Variants in DNAH9 observed in about 807,000 individuals in gnomAD.
The protein encoded by DNAH9 is dynein axonemal heavy chain 9, also known as DNAH9 variant protein.
Under a neutral mutation model 471.6 loss-of-function variants are expected in DNAH9, and 345 were observed. The observed-to-expected ratio is 0.73, with a 90% confidence interval of 0.67 to 0.80. The LOEUF (loss-of-function observed/expected upper bound fraction) is 0.80. Among genes scored for constraint, DNAH9 ranks in the 30% least tolerant of loss-of-function variants. The pLI is 0.00. For missense variants in DNAH9, 5,407 were observed against 5,609.2 expected, an observed-to-expected ratio of 0.96 and a Z score of 1.15; for synonymous variants, 2,093 against 2,123.6, an observed-to-expected ratio of 0.99 and a Z score of 0.40.
intron 24 of DNAH9, among the ~76,000 whole-genome samples, chr17:11,703,015 C>G (rs775300749): frequency 1.3e-5 from 2 of 151,328 alleles, no homozygotes; most frequent in African/African-American, 4.9e-5. Flanking sequence ...ATGGCGTGAA[C>G]CCGGGAGGCG....
At chr17:11,886,050 C>T (rs768261648) in intron 56 of DNAH9, among the ~76,000 whole-genome samples, 2 of 152,286 alleles carry the variant, frequency 1.3e-5, no homozygotes, top group African/African-American at 4.8e-5. Flanking sequence ...TGGCTGGGCG[C>T]GGTGGCTCAC....
chr17:11,840,412 T>C (rs957776461), intron 49 of DNAH9, among the ~76,000 whole-genome samples: 2 of 152,358 alleles, frequency 1.3e-5, no homozygotes, highest in Non-Finnish European at 2.9e-5. Flanking sequence ...TATTTAATTA[T>C]TTATCTATTT....
Position 11,810,315 on chromosome 17 carries a change from G to A in DNAH9, c.8653G>A (p.Ala2885Thr). The A allele has an allele frequency of 6.2e-7, 1 of 1,613,880 alleles. No homozygotes were observed. The highest frequency in any genetic ancestry group is 8.5e-7 in the Non-Finnish European group (1 of 1,179,918). ...CAACACAGTGTTTCTCATGACTGATGCCCAAGTGGCTGATGAGAGGTTCCT... is the reference window on the plus strand; with the variant it reads ...CAACACAGTGTTTCTCATGACTGATACCCAAGTGGCTGATGAGAGGTTCCT... ...NLNTVFLMTD[A>T]QVADERFLVL... Residue 2885 changes from alanine to threonine, a missense_variant, in exon 45 of 69, where the codon GCC becomes ACC. By Grantham distance (58) the Ala-to-Thr change is moderately conservative. Coordinates refer to ENST00000262442, the MANE Select transcript of DNAH9 (RefSeq NM_001372.4).
At chr17:11,658,570 C>T (rs1221855183) in intron 14 of DNAH9, among the ~76,000 whole-genome samples, 2 of 151,806 alleles carry the variant, frequency 1.3e-5, no homozygotes, top group Non-Finnish European at 2.9e-5. Flanking sequence ...TAGAAATGCT[C>T]GCCTCATTTC....
In DNAH9 at chr17:11,962,258, TAA is replaced by T. The variant is rs754353327; in HGVS notation, c.13233+4_13233+5del. The stretch of plus-strand genomic sequence containing the variant: ...GAAGGTGCCTGCTGGGACACACAGG[TAA>T]AGCTTGGAATGAACCAAAGGGCAGC... On this transcript the variant is annotated splice_donor_region_variant and intron_variant, in intron 68 of 68. Coordinates refer to ENST00000262442, the MANE Select transcript of DNAH9 (RefSeq NM_001372.4). The surrounding 1 kb of genome is among the most constrained non-coding windows in gnomAD (Gnocchi z 4.1). The T allele has an allele frequency of 6.0e-5, 96 of 1,594,864 alleles. No individual in the cohort carries two copies. Among genetic ancestry groups the T allele is most frequent in the Admixed American group, 4.3e-4 (25 of 58,056 alleles).
chr17:11,969,415 T>C lies in DNAH9; in HGVS notation c.13349T>C (p.Val4450Ala). ...TGCCGCAGTGTCTATTCCTGTCCTG[T>C]GTACAAGACTAGTCAGCGGGGACCC... ...QDCRSVYSCP[V>A]YKTSQRGPTY... is the part of the protein sequence containing the mutation. Residue 4450 changes from valine (V) to alanine (A), a missense_variant, in exon 69 of 69, where the codon GTG becomes GCG. Transcript: ENST00000262442. 1.2e-6 allele frequency: 2 copies of C among 1,614,030 alleles called. No individual in the cohort carries two copies. Among genetic ancestry groups the C allele is most frequent in the Middle Eastern group, 1.7e-4 (1 of 6,026 alleles).
At chr17:11,802,107 C>T (rs1969483271) in intron 43 of DNAH9, among the ~76,000 whole-genome samples, 3 of 152,150 alleles carry the variant, frequency 2.0e-5, no homozygotes, top group African/African-American at 4.8e-5. Context: ...ATCAACCACC[C>T]GTTACTTTAT....
At chr17:11,842,528 C>T (rs764141576) in intron 49 of DNAH9, among the ~76,000 whole-genome samples, 3 of 152,130 alleles carry the variant, frequency 2.0e-5, no homozygotes, top group Non-Finnish European at 4.4e-5. Context: ...GAAGCCAGTC[C>T]GGGTCCCAAA....
chr17:11,618,211 A>G (rs904619722), intron 5 of DNAH9, among the ~76,000 whole-genome samples: 1 of 152,208 alleles, frequency 6.6e-6, no homozygotes, highest in African/African-American at 2.4e-5. Flanking sequence ...AGCTTCTTAG[A>G]TTATGCACTT....
chr17:11,809,607 T>C (rs1969814699), intron 44 of DNAH9, among the ~76,000 whole-genome samples: 1 of 152,062 alleles, frequency 6.6e-6, no homozygotes, highest in South Asian at 2.1e-4. Context: ...AAGACCCTGC[T>C]AGCATAAGAT....
At chr17:11,849,496 C>T (rs1971337881) in intron 49 of DNAH9, among the ~76,000 whole-genome samples, 1 of 152,234 alleles carries the variant, frequency 6.6e-6, no homozygotes, top group Admixed American at 6.5e-5. Context: ...CCATCCTCTC[C>T]ACCACTCTCT....
chr17:11,797,470 G>A (rs182220989), intron 42 of DNAH9, 127 bp from the exon 43 acceptor site: 11 of 677,882 alleles, frequency 1.6e-5, no homozygotes, highest in Admixed American at 1.5e-4. Flanking sequence ...CAAGAGAAGG[G>A]CATGTTGGAA....
At chr17:11,758,447 G>A (rs1199488763) in intron 35 of DNAH9, among the ~76,000 whole-genome samples, 1 of 152,120 alleles carries the variant, frequency 6.6e-6, no homozygotes, top group Non-Finnish European at 1.5e-5. Context: ...GGCAAGAATG[G>A]GCCCCTGAGG....
At chr17:11,804,926 A>AT (rs1215966561) in intron 43 of DNAH9, among the ~76,000 whole-genome samples, 1 of 151,612 alleles carries the variant, frequency 6.6e-6, no homozygotes, top group African/African-American at 2.4e-5. Flanking sequence ...ATGCAAATGT[A>AT]ATCTCCGCTA....
chr17:11,658,761 A>G (rs2073700694), intron 14 of DNAH9, among the ~76,000 whole-genome samples: 1 of 152,020 alleles, frequency 6.6e-6, no homozygotes, highest in Non-Finnish European at 1.5e-5. Context: ...GTGGTTATAT[A>G]ATTTTACTCC....
intron 34 of DNAH9, among the ~76,000 whole-genome samples, chr17:11,756,959 T>C (rs1967419083): frequency 6.6e-6 from 1 of 152,194 alleles, no homozygotes; most frequent in African/African-American, 2.4e-5. Context: ...CACTAACTCC[T>C]GGTGCAAAAT....
At chr17:11,831,333 G>T (rs1054980705) in intron 48 of DNAH9, among the ~76,000 whole-genome samples, 3 of 152,098 alleles carry the variant, frequency 2.0e-5, no homozygotes, top group Non-Finnish European at 4.4e-5. Flanking sequence ...GGCAAGAGAG[G>T]AGGCAAGAGA....
chr17:11,943,528 T>G, intron 67 of DNAH9, among the ~76,000 whole-genome samples: 1 of 151,878 alleles, frequency 6.6e-6, no homozygotes, highest in East Asian at 2.0e-4. Context: ...AATGCAGAAA[T>G]TAGCCAGGCG....
chr17:11,692,928 T>A (rs1011446478), intron 20 of DNAH9, among the ~76,000 whole-genome samples: 3 of 152,152 alleles, frequency 2.0e-5, no homozygotes, highest in African/African-American at 7.2e-5. Flanking sequence ...GTCGTTGAGA[T>A]GGAGTCTCGC....
Sources: gnomAD v4.1 joint callset for allele counts (sites outside exome capture counted in the v4.1 genomes callset) on GRCh38, gnomAD v4.1.1 for gene constraint, Gnocchi (gnomAD v3.1) non-coding constraint, MANE v1.5 for transcripts, NCBI Gene and HGNC (gene_info 2026-07-23, HGNC 2026-07-21) for gene names.